BMERB1: variants seen among roughly 807,000 people sequenced by gnomAD.
BMERB1 encodes the protein bMERB domain containing 1, also known as bMERB domain-containing protein 1.
In BMERB1, 12 loss-of-function variants were observed where a neutral mutation model predicts 23.6. The ratio of observed to expected loss-of-function variants is 0.51; its 90% CI spans 0.33 to 0.82. The LOEUF is 0.82. Ranked by LOEUF, BMERB1 falls within the 40% of genes least tolerant of loss-of-function variation. BMERB1 has a pLI of 0.03. For missense variants in BMERB1, 247 were observed against 255.4 expected, an observed-to-expected ratio of 0.97 and a Z score of 0.22; for synonymous variants, 122 against 96.6, an observed-to-expected ratio of 1.26 and a Z score of -1.54.
At chr16:15,473,376 G>A (rs898755979) in intron 1 of BMERB1, among the ~76,000 whole-genome samples, 1 of 149,630 alleles carries the variant, frequency 6.7e-6, no homozygotes, top group Non-Finnish European at 1.5e-5. Context: ...CTGCAACCTC[G>A]ACCTCCCAGG....
intron 3 of BMERB1, among the ~76,000 whole-genome samples, chr16:15,574,487 C>G (rs574965201): frequency 6.6e-6 from 1 of 151,964 alleles, no homozygotes; most frequent in African/African-American, 2.4e-5. Flanking sequence ...CAGCCTATGC[C>G]CAGTAATGAA....
At chr16:15,575,237 C>G (rs2030828949) in intron 3 of BMERB1, among the ~76,000 whole-genome samples, 1 of 152,158 alleles carries the variant, frequency 6.6e-6, no homozygotes, top group Non-Finnish European at 1.5e-5. Context: ...TATCTGACGT[C>G]TATATGCCAG....
chr16:15,447,866 A>G (rs1331752292), intron 1 of BMERB1: 5 of 455,840 alleles, frequency 1.1e-5, no homozygotes, highest in African/African-American at 2.0e-5. Flanking sequence ...AGGACAAGGG[A>G]TGGAGGGAAA....
intron 3 of BMERB1, among the ~76,000 whole-genome samples, chr16:15,576,057 G>A (rs1290840671): frequency 1.6e-5 from 1 of 60,980 alleles, no homozygotes; most frequent in Non-Finnish European, 3.3e-5. Context: ...TTTTTTTTTT[G>A]AGACAGAGTC....
At chr16:15,561,725 T>A (rs1230860268) in intron 2 of BMERB1, among the ~76,000 whole-genome samples, 1 of 152,134 alleles carries the variant, frequency 6.6e-6, no homozygotes, top group Non-Finnish European at 1.5e-5. Flanking sequence ...AGATTCTGTC[T>A]CTACAAAAAA....
chr16:15,526,198 C>T (rs2150957625), intron 2 of BMERB1, among the ~76,000 whole-genome samples: 1 of 152,204 alleles, frequency 6.6e-6, no homozygotes, highest in Non-Finnish European at 1.5e-5. Context: ...CCTAGAGAAA[C>T]TACACATGAG....
intron 2 of BMERB1, among the ~76,000 whole-genome samples, chr16:15,553,912 T>G (rs1408828647): frequency 1.3e-5 from 2 of 152,072 alleles, no homozygotes; most frequent in Admixed American, 6.6e-5. Flanking sequence ...CATAGACACA[T>G]CTCCATGCCA....
chr16:15,499,649 C>CTGCCT, intron 1 of BMERB1, among the ~76,000 whole-genome samples: 1 of 148,548 alleles, frequency 6.7e-6, no homozygotes, highest in African/African-American at 2.4e-5. Context: ...CACCTTCTCT[C>CTGCCT]TGCCTCCCTT....
At chr16:15,476,647 G>C (rs1191352372) in intron 1 of BMERB1, among the ~76,000 whole-genome samples, 2 of 152,226 alleles carry the variant, frequency 1.3e-5, no homozygotes, top group Non-Finnish European at 2.9e-5. Context: ...CCAACACCAG[G>C]GTGAGAAGGA....
chr16:15,568,124 C>T (rs1164026500), intron 3 of BMERB1, 68 bp downstream of exon 3: 30 of 1,371,874 alleles, frequency 2.2e-5, no homozygotes, highest in Middle Eastern at 2.1e-4. Flanking sequence ...CCCATCTGTA[C>T]GCCTGGGTCT....
chr16:15,503,706 G>GGCA (rs1322944005), intron 1 of BMERB1, among the ~76,000 whole-genome samples: 2 of 152,104 alleles, frequency 1.3e-5, no homozygotes, highest in Non-Finnish European at 2.9e-5. Flanking sequence ...AACTTCATGA[G>GGCA]GCAGGAGTTA....
chr16:15,587,116 ATAT>A lies in BMERB1; in HGVS notation c.*288_*290del. 4.7e-6 allele frequency: 2 copies of A among 424,942 alleles called. No individual in the cohort carries two copies. The highest frequency in any genetic ancestry group is 3.4e-5 in the South Asian group (1 of 29,150). The allele number at this position is 424,942 out of a possible 1,614,324, so 26.3% of individuals were successfully genotyped here. ...AGGAAAGGTCCTCCCTCAAAAAAGC[ATAT>A]CTCCACTTCTCTCTAGCTGTATCTA... On this transcript the variant is annotated 3_prime_UTR_variant, in exon 6 of 6. Coordinates refer to ENST00000300006, the MANE Select transcript of BMERB1 (RefSeq NM_033201.3).
intron 1 of BMERB1, chr16:15,448,134 C>T (rs1292296290): frequency 1.3e-5 from 4 of 315,704 alleles, no homozygotes; most frequent in Non-Finnish European, 2.5e-5. Context: ...AGGTGATCTG[C>T]CTGCCTTGGC....
chr16:15,485,541 A>G (rs1475915755), intron 1 of BMERB1, among the ~76,000 whole-genome samples: 1 of 152,176 alleles, frequency 6.6e-6, no homozygotes. Flanking sequence ...TTACCCTGAG[A>G]AATGGGACTT....
chr16:15,557,552 C>T (rs2030298043), intron 2 of BMERB1, among the ~76,000 whole-genome samples: 1 of 152,202 alleles, frequency 6.6e-6, no homozygotes, highest in South Asian at 2.1e-4. Context: ...CCTATCCACA[C>T]ATATGTATCT....
At chr16:15,522,887 T>G (rs2051870526) in intron 2 of BMERB1, among the ~76,000 whole-genome samples, 1 of 152,204 alleles carries the variant, frequency 6.6e-6, no homozygotes, top group Admixed American at 6.5e-5. Context: ...TTAGTTTTGC[T>G]ATCTATAGGC....
At chr16:15,573,785 A>G (rs944536346) in intron 3 of BMERB1, among the ~76,000 whole-genome samples, 1 of 151,898 alleles carries the variant, frequency 6.6e-6, no homozygotes, top group Admixed American at 6.6e-5. Flanking sequence ...GACTGGGTAT[A>G]ACGGAAAGAG....
intron 2 of BMERB1, among the ~76,000 whole-genome samples, chr16:15,546,034 C>T (rs1254821387): frequency 6.6e-6 from 1 of 152,138 alleles, no homozygotes; most frequent in Non-Finnish European, 1.5e-5. Flanking sequence ...CGCCTGTAAT[C>T]CCAACAATTT....
chr16:15,465,385 A>G (rs1399211925), intron 1 of BMERB1, among the ~76,000 whole-genome samples: 2 of 148,250 alleles, frequency 1.3e-5, no homozygotes, highest in South Asian at 2.1e-4. Flanking sequence ...CTGGGTCTCA[A>G]TGTGTCACCC....
Sources: allele counts gnomAD v4.1 joint callset (sites outside exome capture counted in the v4.1 genomes callset), GRCh38; gene constraint gnomAD v4.1.1; transcripts MANE v1.5; gene names NCBI Gene and HGNC (gene_info 2026-07-23, HGNC 2026-07-21).